Variants in TBL1X observed in about 807,000 individuals in gnomAD.
The protein encoded by TBL1X is F-box-like/WD repeat-containing protein TBL1X.
In TBL1X, 10 loss-of-function variants were observed where a neutral mutation model predicts 50.7. The ratio of observed to expected loss-of-function variants is 0.20; its 90% CI spans 0.12 to 0.33. TBL1X has a LOEUF of 0.33. Among genes scored for constraint, TBL1X ranks in the 10% least tolerant of loss-of-function variants. The pLI, the probability that TBL1X is intolerant of heterozygous loss-of-function variation, is 1.00. For missense variants in TBL1X, 340 were observed against 504.4 expected, an observed-to-expected ratio of 0.67 and a Z score of 3.12; for synonymous variants, 190 against 214.7, an observed-to-expected ratio of 0.88 and a Z score of 1.01.
chrX:9,591,292 G>T (rs1334915013), intron 2 of TBL1X, among the ~76,000 whole-genome samples: 1 of 111,734 alleles, frequency 8.9e-6, no homozygotes, highest in Non-Finnish European at 1.9e-5. Flanking sequence ...GCCAATCTGT[G>T]ATGATGTTCT....
chrX:9,466,965 T>A (rs1175551772), intron 1 of TBL1X, among the ~76,000 whole-genome samples: 1 of 111,676 alleles, frequency 9.0e-6, no homozygotes. Context: ...AATATGGAGA[T>A]TTGTGGTGTA....
At chrX:9,511,876 T>G (rs1601724405) in intron 2 of TBL1X, among the ~76,000 whole-genome samples, 1 of 112,069 alleles carries the variant, frequency 8.9e-6, no homozygotes, top group Admixed American at 9.5e-5. Context: ...TTTTTTTTCT[T>G]TTTTGAGAGG....
At chrX:9,700,848 G>A (rs2083166108) in intron 12 of TBL1X, among the ~76,000 whole-genome samples, 1 of 111,946 alleles carries the variant, frequency 8.9e-6, no homozygotes, top group South Asian at 3.7e-4. Flanking sequence ...ATTGATGCAC[G>A]ACAGCCAGGA....
intron 2 of TBL1X, among the ~76,000 whole-genome samples, chrX:9,588,672 C>T (rs190395304): frequency 4.6e-5 from 5 of 107,788 alleles, no homozygotes; most frequent in East Asian, 2.9e-4. Context: ...GATGCGATCT[C>T]GGCTCACTGC....
intron 5 of TBL1X, among the ~76,000 whole-genome samples, chrX:9,663,343 G>C (rs759515831): frequency 8.9e-6 from 1 of 112,137 alleles, no homozygotes; most frequent in South Asian, 3.7e-4. Context: ...GTTGAAGCAA[G>C]CTGTGGCATG....
intron 3 of TBL1X, among the ~76,000 whole-genome samples, chrX:9,649,431 A>G (rs1044752681): frequency 2.7e-5 from 3 of 112,026 alleles, no homozygotes; most frequent in Non-Finnish European, 5.6e-5. Flanking sequence ...TTCTGCTTAG[A>G]AATCAAAACC....
intron 2 of TBL1X, among the ~76,000 whole-genome samples, chrX:9,571,883 A>G (rs1337260769): frequency 5.3e-5 from 6 of 112,632 alleles, no homozygotes; most frequent in Non-Finnish European, 5.6e-5. Context: ...AATGTCCTCA[A>G]GATTCATCTG....
chrX:9,609,089 C>T (rs888007972), intron 2 of TBL1X, among the ~76,000 whole-genome samples: 4 of 111,489 alleles, frequency 3.6e-5, no homozygotes, highest in African/African-American at 1.3e-4. Flanking sequence ...TAAGGAAAAC[C>T]GTCTTAAACG....
At chrX:9,620,107 A>G in intron 2 of TBL1X, among the ~76,000 whole-genome samples, 1 of 111,809 alleles carries the variant, frequency 8.9e-6, no homozygotes, top group Admixed American at 9.5e-5. Context: ...CATCTGCTCT[A>G]CCCATGTAAG....
At chrX:9,578,545 G>A (rs2082424140) in intron 2 of TBL1X, among the ~76,000 whole-genome samples, 1 of 111,735 alleles carries the variant, frequency 8.9e-6, no homozygotes, top group Non-Finnish European at 1.9e-5. Flanking sequence ...GAGGAGACGG[G>A]ACAGCAATAG....
At chrX:9,474,243 C>T (rs1453359861) in intron 1 of TBL1X, among the ~76,000 whole-genome samples, 1 of 112,796 alleles carries the variant, frequency 8.9e-6, no homozygotes, top group African/African-American at 3.2e-5. Context: ...GAGTTAGGAG[C>T]ACCTTCTGAA....
chrX:9,487,338 A>G (rs371778987), intron 1 of TBL1X, among the ~76,000 whole-genome samples: 81 of 111,218 alleles, frequency 7.3e-4, no homozygotes, highest in African/African-American at 2.4e-3. Flanking sequence ...GGCAACCCTG[A>G]ATCTGGTTTC....
At chrX:9,487,139 A>G (rs1266717603) in intron 1 of TBL1X, among the ~76,000 whole-genome samples, 1 of 111,728 alleles carries the variant, frequency 9.0e-6, no homozygotes, top group African/African-American at 3.3e-5. Flanking sequence ...TCTCTTTTTT[A>G]ATGACAACTT....
Position 9,688,283 on chromosome X carries a change from C to T in TBL1X, c.616+8C>T, listed in dbSNP as rs1225378540. 1 of 1,156,772 alleles carries T rather than the reference C, an allele frequency of 8.6e-7. No homozygotes were observed. Among genetic ancestry groups the T allele is most frequent in the Admixed American group, 2.5e-5 (1 of 40,470 alleles). On this transcript the variant is annotated splice_region_variant and intron_variant, in intron 7 of 17. Transcript: ENST00000645353. Reference sequence around the variant, plus strand: ...ACAGAGCACATTCAGTCAGTGAGTGCAGGGGCTCTGGGAGTTCGGTGGGCC... The same window carrying T: ...ACAGAGCACATTCAGTCAGTGAGTGTAGGGGCTCTGGGAGTTCGGTGGGCC...
chrX:9,633,205 T>A (rs5934663), intron 2 of TBL1X, among the ~76,000 whole-genome samples: 7,606 of 111,823 alleles, frequency 0.068, 212 homozygotes, highest in African/African-American at 0.093. Flanking sequence ...CCTAAGGAAT[T>A]TGTGTGCAAA....
intron 2 of TBL1X, among the ~76,000 whole-genome samples, chrX:9,523,764 T>TGTGC (rs1229451263): frequency 9.0e-6 from 1 of 111,627 alleles, no homozygotes; most frequent in Non-Finnish European, 1.9e-5. Flanking sequence ...TTTCTGTGTG[T>TGTGC]GTGCGTGGCT....
At chrX:9,594,920 G>A (rs991524036) in intron 2 of TBL1X, among the ~76,000 whole-genome samples, 1 of 111,539 alleles carries the variant, frequency 9.0e-6, no homozygotes, top group Non-Finnish European at 1.9e-5. Context: ...CCATTCCTCC[G>A]GATACCCCTA....
chrX:9,556,553 C>T (rs1259217635), intron 2 of TBL1X, among the ~76,000 whole-genome samples: 5 of 109,109 alleles, frequency 4.6e-5, no homozygotes, highest in Non-Finnish European at 9.5e-5. Context: ...TACTTGGAGG[C>T]TGAGGTGGGA....
At chrX:9,662,160 T>C (rs754689586) in intron 5 of TBL1X, among the ~76,000 whole-genome samples, 11 of 111,365 alleles carry the variant, frequency 9.9e-5, no homozygotes, top group African/African-American at 3.6e-4. Flanking sequence ...GCTGGGCTGA[T>C]CTCCTCCTGT....
Sources: gnomAD v4.1 joint callset for allele counts (sites outside exome capture counted in the v4.1 genomes callset) on GRCh38, gnomAD v4.1.1 for gene constraint, MANE v1.5 for transcripts, NCBI Gene and HGNC (gene_info 2026-07-23, HGNC 2026-07-21) for gene names.